Variants in TMED2 observed in about 807,000 individuals in gnomAD.
TMED2 encodes the protein transmembrane emp24 domain-containing protein 2.
Under a neutral mutation model 17.5 loss-of-function variants are expected in TMED2, and 3 were observed. The ratio of observed to expected loss-of-function variants is 0.17; its 90% confidence interval spans 0.08 to 0.44. The LOEUF (loss-of-function observed/expected upper bound fraction) is 0.44, where lower values mean the gene tolerates loss of function less well. Ranked by LOEUF, TMED2 falls within the 20% of genes least tolerant of loss-of-function variation. The probability of loss-of-function intolerance (pLI) is 0.99; values close to 1 mark genes in which losing one functional copy is unlikely to be tolerated. For missense variants in TMED2, 149 were observed against 254.8 expected (o/e 0.58, Z 2.83); for synonymous variants, 95 against 91.0 (o/e 1.04, Z -0.25).
chr12:123,584,898 G>A, intron 1 of TMED2, 82 bp downstream of exon 1: 1 of 1,531,486 alleles, frequency 6.5e-7, no homozygotes, highest in Non-Finnish European at 8.8e-7. Flanking sequence ...CGCGGGGCCT[G>A]TGTGGGGAGT....
intron 3 of TMED2, among the ~76,000 whole-genome samples, chr12:123,596,058 C>G (rs919437686): frequency 2.0e-5 from 3 of 152,064 alleles, no homozygotes; most frequent in Non-Finnish European, 4.4e-5. Context: ...TGCTTGGAGA[C>G]AAAAGTATTT....
chr12:123,592,434 G>A (rs1953398840), intron 3 of TMED2, among the ~76,000 whole-genome samples: 2 of 50,946 alleles, frequency 3.9e-5, no homozygotes, highest in Non-Finnish European at 7.6e-5. Context: ...AGTGGCCAGA[G>A]GAAGCACATG....
intron 3 of TMED2, among the ~76,000 whole-genome samples, chr12:123,593,239 T>C (rs1309121533): frequency 2.7e-5 from 4 of 150,462 alleles, no homozygotes; most frequent in Non-Finnish European, 5.9e-5. Context: ...ATTTTCTTTT[T>C]ACAGACTCTC....
chr12:123,595,419 G>A lies in TMED2; in HGVS notation c.482-1186G>A, dbSNP rs1026329341. On this transcript the variant is annotated intron_variant, in intron 3 of 3. Coordinates refer to ENST00000262225, the MANE Select transcript of TMED2 (RefSeq NM_006815.4). ...TGTCAGTATGGATCCATATAACTGA[G>A]TAACCTCTTCCATTGAGAACAATTG... 2.6e-5 allele frequency among the ~76,000 whole-genome samples: 4 copies of A among 152,244 alleles called. No homozygotes were observed. In the East Asian group the frequency reaches 5.8e-4, roughly 22 times the overall value.
At chr12:123,588,727 A>G (rs1282277978) in intron 2 of TMED2, among the ~76,000 whole-genome samples, 2 of 152,178 alleles carry the variant, frequency 1.3e-5, no homozygotes, top group African/African-American at 4.8e-5. Context: ...GGTAGGTGCT[A>G]CAGGCATCTA....
In TMED2 at chr12:123,598,284, G is replaced by C. The variant is rs1410756044; in HGVS notation, c.*1555G>C. 6.6e-6 allele frequency: 1 copy of C among 152,086 alleles called. No homozygotes were observed. The highest frequency in any genetic ancestry group is 1.5e-5 in the Non-Finnish European group (1 of 68,024). The allele number at this position is 152,086 out of a possible 1,614,324, so 9.4% of individuals were successfully genotyped here. On this transcript the variant is annotated 3_prime_UTR_variant, in exon 4 of 4. Transcript: ENST00000262225. Reference sequence around the variant, plus strand: ...TACTTTTTAATTCTATAAACTTGAGGATAGTGAATGGTACCAAGTTTTAGT... The same window carrying C: ...TACTTTTTAATTCTATAAACTTGAGCATAGTGAATGGTACCAAGTTTTAGT...
At chr12:123,587,708 C>G in intron 2 of TMED2, 1 of 1,206,026 alleles carries the variant, frequency 8.3e-7, no homozygotes, top group Non-Finnish European at 1.1e-6. Flanking sequence ...TTTCTTTTTT[C>G]TAACCTCAGT....
intron 3 of TMED2, among the ~76,000 whole-genome samples, chr12:123,593,401 C>T (rs1050145186): frequency 9.2e-5 from 14 of 152,120 alleles, no homozygotes; most frequent in African/African-American, 2.2e-4. Context: ...TACAGGCGCA[C>T]GCCACCACCA....
At chr12:123,590,243 C>G in intron 2 of TMED2, 99 bp from the exon 3 acceptor site, 1 of 852,432 alleles carries the variant, frequency 1.2e-6, no homozygotes, top group Non-Finnish European at 1.7e-6. Flanking sequence ...AGATTGAGCA[C>G]CACTGCACTC....
At chr12:123,590,065 C>T (rs1281431283) in intron 2 of TMED2, among the ~76,000 whole-genome samples, 1 of 151,736 alleles carries the variant, frequency 6.6e-6, no homozygotes, top group African/African-American at 2.4e-5. Flanking sequence ...GGTGGATCAC[C>T]TGAGGTCAGG....
At chr12:123,592,640 T>A (rs1418114927) in intron 3 of TMED2, among the ~76,000 whole-genome samples, 1 of 152,228 alleles carries the variant, frequency 6.6e-6, no homozygotes, top group Non-Finnish European at 1.5e-5. Flanking sequence ...TTGTGAGTCT[T>A]CCTATAGGAC....
At chr12:123,593,287 C>T (rs1042413626) in intron 3 of TMED2, among the ~76,000 whole-genome samples, 5 of 151,734 alleles carry the variant, frequency 3.3e-5, no homozygotes, top group African/African-American at 4.8e-5. Flanking sequence ...GAGTCTTGCT[C>T]TGTTGCCCAG....
chr12:123,594,205 G>A (rs1157315420), intron 3 of TMED2, among the ~76,000 whole-genome samples: 1 of 151,502 alleles, frequency 6.6e-6, no homozygotes, highest in African/African-American at 2.4e-5. Flanking sequence ...TGCAAACTCG[G>A]CTCACTGCAA....
rs1171375230 is a variant in TMED2 at position 123,598,414 on chromosome 12, G to T, written c.*1685G>T. ...GGTTGAATTATTTTCACTTGCCCAC[G>T]TAGTTTATGAATGTGGGAAATAGCT... On this transcript the variant is annotated 3_prime_UTR_variant, in exon 4 of 4. Coordinates refer to ENST00000262225, the MANE Select transcript of TMED2 (RefSeq NM_006815.4). 6.6e-6 allele frequency: 1 copy of T among 152,102 alleles called. No individual in the cohort carries two copies. Among genetic ancestry groups the T allele is most frequent in the Non-Finnish European group, 1.5e-5 (1 of 68,028 alleles). 9.4% of individuals were successfully genotyped at this position (152,102 alleles called of 1,614,324 possible). A position where few individuals can be genotyped will look rare whatever the true frequency, so the allele number is the denominator to read the frequency against.
At chr12:123,589,514 TAAC>T (rs1178135078) in intron 2 of TMED2, among the ~76,000 whole-genome samples, 7 of 152,210 alleles carry the variant, frequency 4.6e-5, no homozygotes, top group African/African-American at 7.2e-5. Flanking sequence ...GAACTTCACA[TAAC>T]AACATTCCAT....
Position 123,597,481 on chromosome 12 carries a change from A to G in TMED2, c.*752A>G, listed in dbSNP as rs1303943941. ...GCTTTTTTTCTTTCCACATTGGCACATTCACTTCTCCCACTCTTGGCATGT... is the reference window on the plus strand; with the variant it reads ...GCTTTTTTTCTTTCCACATTGGCACGTTCACTTCTCCCACTCTTGGCATGT... On this transcript the variant is annotated 3_prime_UTR_variant, in exon 4 of 4. Transcript: ENST00000262225. The G allele has an allele frequency of 6.6e-6, 1 of 152,528 alleles. No individual in the cohort carries two copies. Among genetic ancestry groups the G allele is most frequent in the East Asian group, 1.9e-4 (1 of 5,198 alleles). The allele number at this position is 152,528 out of a possible 1,614,324, so 9.4% of individuals were successfully genotyped here. A position where few individuals can be genotyped will look rare whatever the true frequency, so the allele number is the denominator to read the frequency against.
At chr12:123,596,459 C>A (rs938888119) in intron 3 of TMED2, 146 bp from the exon 4 acceptor site, 6 of 1,028,596 alleles carry the variant, frequency 5.8e-6, no homozygotes, top group East Asian at 2.9e-5. Context: ...TGGGATGTAA[C>A]CCCATCGTAA....
intron 1 of TMED2, 183 bp downstream of exon 1, chr12:123,584,999 T>G: frequency 1.4e-6 from 1 of 690,408 alleles, no homozygotes; most frequent in Non-Finnish European, 2.3e-6. Flanking sequence ...ACGGCCCCTT[T>G]TCCCGCGACT....
rs534604597 is a variant in TMED2, at chr12:123,584,636, C to G, written c.-1C>G. Reference sequence around the variant, plus strand: ...GTCCTGGCTTCGGCCTCAGCCCCACCATGGTGACGCTTGCTGAACTGCTGG... The same window carrying G: ...GTCCTGGCTTCGGCCTCAGCCCCACGATGGTGACGCTTGCTGAACTGCTGG... On this transcript the variant is annotated 5_prime_UTR_variant, in exon 1 of 4. Transcript: ENST00000262225. 61 of 1,610,294 alleles carry G rather than the reference C, an allele frequency of 3.8e-5. No individual in the cohort carries two copies. The South Asian group carries it at 6.5e-4, about 17-fold the overall frequency.
Sources: gnomAD v4.1 joint callset for allele counts (sites outside exome capture counted in the v4.1 genomes callset) on GRCh38, gnomAD v4.1.1 for gene constraint, MANE v1.5 for transcripts, NCBI Gene and HGNC (gene_info 2026-07-23, HGNC 2026-07-21) for gene names.